MAGED1: variants seen among roughly 807,000 people sequenced by gnomAD.
The protein encoded by MAGED1 is MAGE family member D1.
In MAGED1, 3 loss-of-function variants were observed where a neutral mutation model predicts 54.1. The observed-to-expected ratio is 0.06, with a 90% confidence interval of 0.03 to 0.14. MAGED1 has a LOEUF of 0.14. Ranked by LOEUF, MAGED1 falls within the 10% of genes least tolerant of loss-of-function variation. The probability of loss-of-function intolerance (pLI) is 1.00; values close to 1 mark genes in which losing one functional copy is unlikely to be tolerated. For missense variants in MAGED1, 485 were observed against 623.4 expected, an observed-to-expected ratio of 0.78 and a Z score of 2.36; for synonymous variants, 217 against 227.3, an observed-to-expected ratio of 0.95 and a Z score of 0.41.
chrX:51,876,262 T>TCAAC (rs1557362005), intron 1 of MAGED1, among the ~76,000 whole-genome samples: 3 of 109,484 alleles, frequency 2.7e-5, no homozygotes, highest in African/African-American at 1.0e-4. Context: ...TCACATTCAG[T>TCAAC]TGACTTTGTG....
At chrX:51,865,731 G>A (rs894062604) in intron 1 of MAGED1, among the ~76,000 whole-genome samples, 17 of 111,644 alleles carry the variant, frequency 1.5e-4, no homozygotes, top group Non-Finnish European at 2.4e-4. Context: ...ATTGGAATTT[G>A]ATACAGTTTG....
intron 1 of MAGED1, among the ~76,000 whole-genome samples, chrX:51,878,792 C>G (rs782420801): frequency 9.0e-6 from 1 of 111,446 alleles, no homozygotes; most frequent in Admixed American, 9.5e-5. Context: ...CAAGTTGACT[C>G]AAGTCTAGAA....
intron 1 of MAGED1, among the ~76,000 whole-genome samples, chrX:51,832,167 C>G (rs1926092938): frequency 9.0e-6 from 1 of 110,751 alleles, no homozygotes; most frequent in Non-Finnish European, 1.9e-5. Context: ...GTAGCTGGGA[C>G]TATAGGCGCG....
At chrX:51,843,285 G>A (rs1200102384) in intron 1 of MAGED1, among the ~76,000 whole-genome samples, 1 of 111,837 alleles carries the variant, frequency 8.9e-6, no homozygotes, top group Admixed American at 9.5e-5. Context: ...TAATTTACAT[G>A]TTACAAGGGA....
In MAGED1 at chrX:51,894,251, C is replaced by T; in HGVS notation, c.-36-18C>T. On this transcript the variant is annotated intron_variant, in intron 1 of 12. Coordinates refer to ENST00000326587, the MANE Select transcript of MAGED1 (RefSeq NM_006986.4). ...GTATTTGCCCTCTGTAGTATAACGC[C>T]CTGCCCCTCTCCCACAGCCCCCAGG... 1 of 1,051,376 alleles carries T rather than the reference C, an allele frequency of 9.5e-7. No homozygotes were observed. The highest frequency in any genetic ancestry group is 1.3e-6 in the Non-Finnish European group (1 of 764,021). 86.6% of individuals were successfully genotyped at this position (1,051,376 alleles called of 1,213,427 possible). A position where few individuals can be genotyped will look rare whatever the true frequency, so the allele number is the denominator to read the frequency against.
At chrX:51,842,443 A>T (rs1557358723) in intron 1 of MAGED1, among the ~76,000 whole-genome samples, 1 of 110,951 alleles carries the variant, frequency 9.0e-6, no homozygotes, top group Non-Finnish European at 1.9e-5. Context: ...CCAATTGCAT[A>T]TCTTCTTTAT....
chrX:51,898,582 G>A lies in MAGED1; in HGVS notation c.1783G>A (p.Val595Met), dbSNP rs1357761085. ...ALRKMGLRPG[V>M]RHPLLGDLRK... Reference sequence around the variant, plus strand: ...TGGGTTTCCTTTTTTTACCTTCAGGGTGAGACATCCCCTCCTTGGAGATCT... The same window carrying A: ...TGGGTTTCCTTTTTTTACCTTCAGGATGAGACATCCCCTCCTTGGAGATCT... Residue 595 changes from valine to methionine, a missense_variant and splice_region_variant, in exon 10 of 13, where the codon GTG (valine) becomes ATG (methionine). Transcript: ENST00000326587. 2.5e-6 allele frequency: 3 copies of A among 1,205,817 alleles called. No individual in the cohort carries two copies. The highest frequency in any genetic ancestry group is 1.7e-5 in the African/African-American group (1 of 57,531).
chrX:51,874,245 C>A (rs1927791476), intron 1 of MAGED1, among the ~76,000 whole-genome samples: 1 of 111,147 alleles, frequency 9.0e-6, no homozygotes, highest in Admixed American at 9.6e-5. Flanking sequence ...ATCGCAGACT[C>A]AAATATTTGT....
At chrX:51,876,669 A>G (rs1927877994) in intron 1 of MAGED1, among the ~76,000 whole-genome samples, 1 of 111,643 alleles carries the variant, frequency 9.0e-6, no homozygotes, top group Admixed American at 9.5e-5. Context: ...TACCAGTAGC[A>G]TGACTAGTAT....
intron 1 of MAGED1, among the ~76,000 whole-genome samples, chrX:51,872,409 C>G (rs1195228820): frequency 3.6e-5 from 4 of 112,022 alleles, no homozygotes; most frequent in Non-Finnish European, 7.5e-5. Flanking sequence ...GCCAGGCTTT[C>G]CACCAGGCAC....
chrX:51,859,908 C>A (rs1927215583), intron 1 of MAGED1, among the ~76,000 whole-genome samples: 1 of 108,882 alleles, frequency 9.2e-6, no homozygotes, highest in Admixed American at 1.0e-4. Flanking sequence ...GCACTCCAAC[C>A]TGGGCAACAG....
At chrX:51,816,054 C>T (rs1233406553) in intron 1 of MAGED1, among the ~76,000 whole-genome samples, 3 of 110,720 alleles carry the variant, frequency 2.7e-5, no homozygotes, top group Non-Finnish European at 5.7e-5. Flanking sequence ...CCACCCAGAA[C>T]AACTTCCAGT....
intron 1 of MAGED1, among the ~76,000 whole-genome samples, chrX:51,813,865 G>T (rs1925312080): frequency 8.9e-6 from 1 of 111,936 alleles, no homozygotes; most frequent in African/African-American, 3.2e-5. Context: ...TTGTATTGTT[G>T]ACTCCTGTAG....
intron 1 of MAGED1, among the ~76,000 whole-genome samples, chrX:51,844,377 G>A (rs146785888): frequency 0.013 from 1,478 of 112,295 alleles, 26 homozygotes; most frequent in African/African-American, 0.046. Context: ...TAAAAGTATG[G>A]CTAGCTTCTT....
chrX:51,849,836 T>C (rs375736360), intron 1 of MAGED1, among the ~76,000 whole-genome samples: 1 of 111,952 alleles, frequency 8.9e-6, no homozygotes, highest in East Asian at 2.8e-4. Flanking sequence ...GTGTTTTTGG[T>C]TTATTTATGT....
At chrX:51,871,882 G>A (rs1367469335) in intron 1 of MAGED1, among the ~76,000 whole-genome samples, 7 of 111,756 alleles carry the variant, frequency 6.3e-5, no homozygotes, top group Non-Finnish European at 1.9e-5. Flanking sequence ...CTAGTTTCCA[G>A]TGCCACCAAC....
intron 1 of MAGED1, among the ~76,000 whole-genome samples, chrX:51,827,625 G>A (rs782341911): frequency 6.6e-4 from 74 of 111,694 alleles, no homozygotes; most frequent in African/African-American, 2.2e-3. Flanking sequence ...TAGTGAGGGT[G>A]GTTGTGCATA....
At chrX:51,816,368 G>T (rs1002227525) in intron 1 of MAGED1, among the ~76,000 whole-genome samples, 1 of 111,506 alleles carries the variant, frequency 9.0e-6, no homozygotes, top group Non-Finnish European at 1.9e-5. Flanking sequence ...GCCTGCCTGT[G>T]CCTCCCAAAG....
chrX:51,804,565 C>T (rs1924963958), intron 1 of MAGED1, among the ~76,000 whole-genome samples: 1 of 111,391 alleles, frequency 9.0e-6, no homozygotes, highest in African/African-American at 3.3e-5. Flanking sequence ...ACAGTGTTCT[C>T]AGCACTGGAG....
Sources: allele counts gnomAD v4.1 joint callset (sites outside exome capture counted in the v4.1 genomes callset), GRCh38; gene constraint gnomAD v4.1.1; transcripts MANE v1.5; gene names NCBI Gene and HGNC (gene_info 2026-07-23, HGNC 2026-07-21).